PLAAT1: variants seen among roughly 807,000 people sequenced by gnomAD.
PLAAT1 encodes the protein H-REV107 protein-related protein.
In PLAAT1, 13 loss-of-function variants were observed where a neutral mutation model predicts 16.4. The observed-to-expected ratio is 0.79, with a 90% CI of 0.52 to 1.26. The LOEUF (loss-of-function observed/expected upper bound fraction) is 1.26. PLAAT1 is among the 50% of genes most tolerant of loss of function. The probability of loss-of-function intolerance (pLI) is 0.00; values close to 1 mark genes in which losing one functional copy is unlikely to be tolerated. For synonymous variants in PLAAT1, 73 were observed against 78.4 expected, an observed-to-expected ratio of 0.93 and a Z score of 0.36; for missense variants, 218 against 207.8, an observed-to-expected ratio of 1.05 and a Z score of -0.30.
Position 193,262,239 on chromosome 3 carries a change from G to C in PLAAT1, c.140-731G>C, listed in dbSNP as rs558735736. Among the ~76,000 whole-genome samples, 37 of 152,204 alleles carry C rather than the reference G, an allele frequency of 2.4e-4. No homozygotes were observed. In the South Asian group the frequency reaches 7.1e-3, roughly 29 times the overall value. ...TGAGCAGAGGCAGCCAAGGTGGAGT[G>C]GTAGGGCATGGGGCATTGTCGTAAG... On this transcript the variant is annotated intron_variant, in intron 2 of 3. Transcript: ENST00000264735.
chr3:193,259,767 G>A (rs1716515406), intron 2 of PLAAT1, among the ~76,000 whole-genome samples: 2 of 152,136 alleles, frequency 1.3e-5, no homozygotes, highest in Non-Finnish European at 2.9e-5. Context: ...TCACGGATTG[G>A]AAGAAATAAT....
intron 1 of PLAAT1, among the ~76,000 whole-genome samples, chr3:193,255,181 A>C (rs1577303776): frequency 6.6e-6 from 1 of 152,234 alleles, no homozygotes; most frequent in South Asian, 2.1e-4. Flanking sequence ...AAGCATATAA[A>C]CCCTTTTTTA....
At chr3:193,249,571 T>A (rs1716116434) in intron 1 of PLAAT1, among the ~76,000 whole-genome samples, 1 of 152,212 alleles carries the variant, frequency 6.6e-6, no homozygotes, top group Admixed American at 6.5e-5. Flanking sequence ...GGACTTGCTA[T>A]ATGTCTTTGA....
At chr3:193,268,230 TCTTCA>T (rs1716846432) in intron 3 of PLAAT1, among the ~76,000 whole-genome samples, 1 of 152,192 alleles carries the variant, frequency 6.6e-6, no homozygotes, top group East Asian at 1.9e-4. Flanking sequence ...TGGCCCACAC[TCTTCA>T]GTAGGCCTGG....
At chr3:193,253,138 T>TAGTC (rs1716255227) in intron 1 of PLAAT1, among the ~76,000 whole-genome samples, 1 of 152,220 alleles carries the variant, frequency 6.6e-6, no homozygotes, top group South Asian at 2.1e-4. Flanking sequence ...TACCTTTCTG[T>TAGTC]AGTCCCTTGC....
chr3:193,245,747 C>A (rs1034877959), intron 1 of PLAAT1, among the ~76,000 whole-genome samples: 1 of 152,126 alleles, frequency 6.6e-6, no homozygotes, highest in East Asian at 1.9e-4. Context: ...GAGGAGATAC[C>A]ACATTGTGGC....
chr3:193,263,510 T>C (rs535179893), intron 3 of PLAAT1, among the ~76,000 whole-genome samples: 2 of 152,304 alleles, frequency 1.3e-5, no homozygotes, highest in African/African-American at 4.8e-5. Context: ...CTTTTTTTCC[T>C]GTTACTTCAC....
chr3:193,245,812 T>A (rs1308143366), intron 1 of PLAAT1, among the ~76,000 whole-genome samples: 1 of 152,234 alleles, frequency 6.6e-6, no homozygotes, highest in Non-Finnish European at 1.5e-5. Context: ...TCCATCTACC[T>A]TTTGGCTATT....
At chr3:193,241,146 C>T, upstream of PLAAT1, 1 of 1,126,232 alleles carries the variant, frequency 8.9e-7, no homozygotes, top group Non-Finnish European at 1.1e-6. Context: ...GCGGGCGAAG[C>T]TGGGCTCGGG....
chr3:193,251,053 C>T (rs1277996346), intron 1 of PLAAT1, among the ~76,000 whole-genome samples: 4 of 151,848 alleles, frequency 2.6e-5, no homozygotes, highest in Non-Finnish European at 5.9e-5. Flanking sequence ...CAAGAAGTCT[C>T]AGATCTTTTT....
downstream of PLAAT1, among the ~76,000 whole-genome samples, chr3:193,273,070 G>A (rs2108807150): frequency 6.6e-6 from 1 of 152,218 alleles, no homozygotes; most frequent in African/African-American, 2.4e-5. Context: ...AACCTTATAG[G>A]TTGTAGGAAA....
At chr3:193,259,036 CA>C (rs1310009577) in intron 2 of PLAAT1, among the ~76,000 whole-genome samples, 1 of 152,110 alleles carries the variant, frequency 6.6e-6, no homozygotes, top group Non-Finnish European at 1.5e-5. Flanking sequence ...TGGCGCACAT[CA>C]AAAAGTTAAT....
At position 193,248,008 on chromosome 3, in the gene PLAAT1, A is replaced by C. The variant is rs113922731; in HGVS notation, c.-1+6475A>C. Among the ~76,000 whole-genome samples the C allele has an allele frequency of 4.9e-3, 753 of 152,300 alleles. 7 individuals are homozygous for C. The highest frequency in any genetic ancestry group is 0.017 in the African/African-American group (718 of 41,566). ...TTGATTTTTGGTCTAGATCTGTCCA[A>C]TGTTGAAAGCGGGACATTATTGTAT... On this transcript the variant is annotated intron_variant, in intron 1 of 3. Transcript: ENST00000264735.
chr3:193,254,290 T>G (rs1716299075), intron 1 of PLAAT1, among the ~76,000 whole-genome samples: 1 of 152,152 alleles, frequency 6.6e-6, no homozygotes, highest in African/African-American at 2.4e-5. Context: ...TAAAAAAGAC[T>G]TTTAGAGTGC....
intron 3 of PLAAT1, among the ~76,000 whole-genome samples, chr3:193,264,148 T>G (rs9820203): frequency 6.6e-6 from 1 of 152,184 alleles, no homozygotes; most frequent in African/African-American, 2.4e-5. Flanking sequence ...TAATTCACAT[T>G]TATTGAAGAC....
downstream of PLAAT1, chr3:193,279,525 A>T (rs1302933433): frequency 2.4e-6 from 3 of 1,227,340 alleles, no homozygotes; most frequent in Non-Finnish European, 3.6e-6. Flanking sequence ...ACATTGCAGA[A>T]TCAATTATCT....
intron 3 of PLAAT1, among the ~76,000 whole-genome samples, chr3:193,269,699 G>A (rs1339447016): frequency 6.6e-6 from 1 of 152,154 alleles, no homozygotes; most frequent in Non-Finnish European, 1.5e-5. Context: ...GAACAAATAT[G>A]TTTTCAGAGT....
downstream of PLAAT1, among the ~76,000 whole-genome samples, chr3:193,275,613 A>C (rs946555698): frequency 6.6e-6 from 1 of 152,226 alleles, no homozygotes; most frequent in East Asian, 1.9e-4. Context: ...AACGTGCTCA[A>C]AATGAAGAAA....
At chr3:193,250,024 A>T (rs936359892) in intron 1 of PLAAT1, among the ~76,000 whole-genome samples, 7 of 152,058 alleles carry the variant, frequency 4.6e-5, no homozygotes, top group Non-Finnish European at 5.9e-5. Flanking sequence ...TTTATTTGGA[A>T]CATATTTCTA....
Sources: gnomAD v4.1 joint callset for allele counts (sites outside exome capture counted in the v4.1 genomes callset) on GRCh38, gnomAD v4.1.1 for gene constraint, MANE v1.5 for transcripts, NCBI Gene and HGNC (gene_info 2026-07-23, HGNC 2026-07-21) for gene names.